TBC1D26: variants seen among roughly 807,000 people sequenced by gnomAD.
TBC1D26 encodes TBC1 domain family member 26, also known as TBC1 domain family, member 26.
Under a neutral mutation model 42.5 loss-of-function variants are expected in TBC1D26, and 19 were observed. That is an observed-to-expected ratio of 0.45 (90% CI 0.31 to 0.66). The LOEUF (loss-of-function observed/expected upper bound fraction) is 0.66. TBC1D26 is among the 30% of genes least tolerant of loss of function. TBC1D26 has a pLI of 0.06. For missense variants in TBC1D26, 228 were observed against 332.6 expected (o/e 0.69, Z 2.45); for synonymous variants, 97 against 123.5 (o/e 0.79, Z 1.42).
At chr17:15,739,300 C>T (rs946611343) in intron 8 of TBC1D26, among the ~76,000 whole-genome samples, 2 of 151,634 alleles carry the variant, frequency 1.3e-5, no homozygotes, top group Non-Finnish European at 2.9e-5. Flanking sequence ...GCTCACAAAG[C>T]TCAGTGGCCT....
intron 9 of TBC1D26, chr17:15,740,908 G>A (rs1967758610): frequency 1.5e-6 from 1 of 663,744 alleles, no homozygotes; most frequent in Non-Finnish European, 2.5e-6. Context: ...TGCTGCAGGA[G>A]TCCCCCCATG....
intron 1 of TBC1D26, among the ~76,000 whole-genome samples, chr17:15,734,298 G>A (rs1387068757): frequency 6.6e-6 from 1 of 151,992 alleles, no homozygotes. Flanking sequence ...GCCCCTGTGG[G>A]TGGGGTGGAG....
At chr17:15,738,201 G>C in intron 6 of TBC1D26, 79 bp from the exon 7 acceptor site, 1 of 1,607,184 alleles carries the variant, frequency 6.2e-7, no homozygotes, top group Non-Finnish European at 8.5e-7. Flanking sequence ...CTTGCCATAG[G>C]ACTGCAGGCC....
At chr17:15,733,862 C>T (rs1433512360) in intron 1 of TBC1D26, 11 of 152,214 alleles carry the variant, frequency 7.2e-5, no homozygotes, top group Non-Finnish European at 1.2e-4. Context: ...GCACATAAGA[C>T]GCACACAGGT....
At chr17:15,735,265 G>A (rs1339338954) in intron 2 of TBC1D26, 83 bp from the exon 3 acceptor site, 30 of 1,119,828 alleles carry the variant, frequency 2.7e-5, no homozygotes, top group Non-Finnish European at 3.9e-5. Context: ...ACTGGAGTGT[G>A]TCTGGGAGTG....
chr17:15,733,198 C>G (rs1286473374), intron 1 of TBC1D26, among the ~76,000 whole-genome samples: 2 of 151,390 alleles, frequency 1.3e-5, no homozygotes, highest in African/African-American at 2.4e-5. Context: ...GGCCTGGTCA[C>G]TGGGAAAACG....
intron 14 of TBC1D26, 65 bp from the exon 15 acceptor site, chr17:15,744,178 C>G (rs1967862544): frequency 6.6e-6 from 1 of 152,150 alleles, no homozygotes; most frequent in Non-Finnish European, 1.5e-5. Context: ...ACTTGTATAG[C>G]TGTGCACATC....
chr17:15,740,063 C>A lies in TBC1D26; in HGVS notation c.498-37C>A, dbSNP rs746178170. The A allele has an allele frequency of 5.8e-6, 9 of 1,552,124 alleles. No homozygotes were observed. In the African/African-American group the frequency reaches 7.7e-5, roughly 13 times the overall value. On this transcript the variant is annotated intron_variant, in intron 8 of 14. Transcript: ENST00000437605. The stretch of plus-strand genomic sequence containing the variant: ...AAATGAAATTGACAGCGTCTGCACA[C>A]ACACAAAAAAAAAACCCTCTTTCCC...
chr17:15,734,058 G>A (rs1967546980), intron 1 of TBC1D26: 1 of 152,202 alleles, frequency 6.6e-6, no homozygotes, highest in South Asian at 2.1e-4. Flanking sequence ...TGTGGCGATG[G>A]GTGCTGTCCC....
Position 15,737,451 on chromosome 17 carries a change from C to A in TBC1D26, c.159-33C>A, listed in dbSNP as rs375963853. ...GGAGAGGGATGGCTCCTGGCCTGGG[C>A]AGGTCCTCAGCTCTGCCTGGGTTGC... On this transcript the variant is annotated intron_variant, in intron 4 of 14. Transcript: ENST00000437605. The A allele has an allele frequency of 4.6e-5, 73 of 1,576,542 alleles. 2 individuals carry two copies. Among genetic ancestry groups the A allele is most frequent in the Non-Finnish European group, 6.0e-5 (69 of 1,155,510 alleles).
In TBC1D26 at chr17:15,741,164, C is replaced by T; in HGVS notation, c.589C>T (p.Leu197Phe). 6.2e-7 allele frequency: 1 copy of T among 1,613,440 alleles called. No individual in the cohort carries two copies. Among genetic ancestry groups the T allele is most frequent in the Non-Finnish European group, 8.5e-7 (1 of 1,179,986 alleles). Reference sequence around the variant, plus strand: ...GGACCTGAGCCGCATCACTGCCATCCTCCTCCTGTGTCTGCCAGAGGAAGA... The same window carrying T: ...GGACCTGAGCCGCATCACTGCCATCTTCCTCCTGTGTCTGCCAGAGGAAGA... ...HRDLSRITAI[L>F]LLCLPEEDAF... The change falls in exon 10 of 15, where the codon CTC (leucine) becomes TTC (phenylalanine). Residue 197 changes from leucine (L) to phenylalanine (F), a missense_variant. Physicochemically the swap from Leu to Phe is conservative, Grantham distance 22 (BLOSUM62 0). Around this residue, in one of 5 missense-constraint regions of TBC1D26, gnomAD observed 130 missense variants for 168.5 expected, o/e 0.77. Coordinates refer to ENST00000437605, the MANE Select transcript of TBC1D26 (RefSeq NM_001388465.1).
chr17:15,743,255 G>A (rs1967841380), intron 13 of TBC1D26, 112 bp from the exon 14 acceptor site: 1 of 414,004 alleles, frequency 2.4e-6, no homozygotes. Flanking sequence ...ACCCCAGGGT[G>A]GCCAAAAAGG....
In TBC1D26 at chr17:15,739,423, C is replaced by T. The variant is rs1390400948; in HGVS notation, c.497+593C>T. Among the ~76,000 whole-genome samples the T allele has an allele frequency of 1.3e-4, 20 of 152,404 alleles. No individual in the cohort carries two copies. In the East Asian group the frequency reaches 2.7e-3, roughly 21 times the overall value. On this transcript the variant is annotated intron_variant, in intron 8 of 14. Coordinates refer to ENST00000437605, the MANE Select transcript of TBC1D26 (RefSeq NM_001388465.1). ...CGCTTGATTGATTGTAACTCACACC[C>T]GGAGGCTACGGAGATGATCTTCAAC...
chr17:15,742,347 G>C, intron 11 of TBC1D26, 67 bp from the exon 12 acceptor site: 3 of 422,876 alleles, frequency 7.1e-6, no homozygotes, highest in South Asian at 6.9e-5. Context: ...GTCTGCAGAG[G>C]GGCCTGGAAG....
In TBC1D26 at chr17:15,734,196, G is replaced by A. The variant is rs532559332; in HGVS notation, c.-142-734G>A. 97 of 151,872 alleles carry A rather than the reference G, an allele frequency of 6.4e-4. 1 individual carries two copies. Among genetic ancestry groups the A allele is most frequent in the African/African-American group, 2.2e-3 (89 of 41,366 alleles). The allele number at this position is 151,872 out of a possible 1,614,324, so 9.4% of individuals were successfully genotyped here. On this transcript the variant is annotated intron_variant, in intron 1 of 14. Coordinates refer to ENST00000437605, the MANE Select transcript of TBC1D26 (RefSeq NM_001388465.1). ...GCCATGCTGGACTTGAGCTTTGACC[G>A]CTGAGGCCTCTCTACCCTAGATTCC... is the stretch of plus-strand genomic sequence containing the variant.
rs76190327 is a variant in TBC1D26 at position 15,742,935 on chromosome 17, G to A, written c.834G>A (p.Leu278=). 806 of 155,032 alleles carry A rather than the reference G, an allele frequency of 5.2e-3. No homozygotes were observed. The highest frequency in any genetic ancestry group is 0.024 in the Middle Eastern group (7 of 296). 9.6% of individuals were successfully genotyped at this position (155,032 alleles called of 1,614,324 possible). A position where few individuals can be genotyped will look rare whatever the true frequency, so the allele number is the denominator to read the frequency against. The change falls in exon 13 of 15, where the codon CTG becomes CTA. Residue 278 remains leucine (L), a synonymous_variant. Coordinates refer to ENST00000437605, the MANE Select transcript of TBC1D26 (RefSeq NM_001388465.1). The part of the protein sequence containing the change: ...DGKSFGLTLR[L]WDVFILEGAR... Reference sequence around the variant, plus strand: ...AATCCTTCGGGCTCACCCTGAGACTGTGGGATGTGTTCATCTTGGAGGGCG... The same window carrying A: ...AATCCTTCGGGCTCACCCTGAGACTATGGGATGTGTTCATCTTGGAGGGCG...
At chr17:15,733,267 T>C (rs542675919) in intron 1 of TBC1D26, among the ~76,000 whole-genome samples, 1,752 of 151,502 alleles carry the variant, frequency 0.012, 16 homozygotes, top group African/African-American at 0.04. Context: ...AGATGGTTGC[T>C]TGGTGACCTC....
intron 4 of TBC1D26, among the ~76,000 whole-genome samples, chr17:15,736,893 A>G (rs1033296135): frequency 2.7e-4 from 41 of 152,276 alleles, no homozygotes; most frequent in Non-Finnish European, 4.4e-4. Flanking sequence ...AGAGAGGGTC[A>G]TAGTGTCTGG....
rs1967680156 is a variant in TBC1D26, at chr17:15,738,324, C to T, written c.324C>T (p.Gly108=). The T allele has an allele frequency of 6.2e-7, 1 of 1,613,572 alleles. No homozygotes were observed. The highest frequency in any genetic ancestry group is 8.5e-7 in the Non-Finnish European group (1 of 1,180,020). ...VYKVIPLAVR[G]RAWSLLLDID... ...AAGTCATTCCCCTGGCGGTACGGGG[C>T]CGGGCGTGGTCACTTTTGCTAGATA... is the stretch of plus-strand genomic sequence containing the variant. Residue 108 remains glycine (G), a synonymous_variant, in exon 7 of 15, where the codon GGC becomes GGT. Transcript: ENST00000437605.
Sources: allele counts gnomAD v4.1 joint callset (sites outside exome capture counted in the v4.1 genomes callset), GRCh38; gene constraint gnomAD v4.1.1; regional missense constraint gnomAD v4.1.1; transcripts MANE v1.5; gene names NCBI Gene and HGNC (gene_info 2026-07-23, HGNC 2026-07-21).